The following AIG1 variants were observed in gnomAD, a reference collection of about 807,000 sequenced individuals.
AIG1 encodes the protein androgen induced 1.
In AIG1, 23 loss-of-function variants were observed where a neutral mutation model predicts 31.4. That is an observed-to-expected ratio of 0.73 (90% CI 0.53 to 1.04). The LOEUF (loss-of-function observed/expected upper bound fraction) is 1.04. AIG1 is among the 50% of genes least tolerant of loss of function. The probability of loss-of-function intolerance (pLI) is 0.00; values close to 1 mark genes in which losing one functional copy is unlikely to be tolerated. For missense variants in AIG1, 274 were observed against 295.0 expected (o/e 0.93, Z 0.52); for synonymous variants, 100 against 110.5 (o/e 0.90, Z 0.60).
intron 3 of AIG1, among the ~76,000 whole-genome samples, chr6:143,176,254 G>C (rs1021579514): frequency 6.6e-6 from 1 of 152,146 alleles, no homozygotes; most frequent in African/African-American, 2.4e-5. Context: ...CTGTATTTTT[G>C]TGCACTGGTT....
intron 3 of AIG1, among the ~76,000 whole-genome samples, chr6:143,273,407 A>G (rs955808109): frequency 2.0e-5 from 3 of 152,150 alleles, no homozygotes; most frequent in Admixed American, 6.5e-5. Flanking sequence ...AAATACTTCA[A>G]TGCTTTAAAT....
intron 2 of AIG1, among the ~76,000 whole-genome samples, chr6:143,156,186 T>C (rs1771910031): frequency 6.6e-6 from 1 of 152,158 alleles, no homozygotes; most frequent in Non-Finnish European, 1.5e-5. Flanking sequence ...CTCTTGTAGG[T>C]ATATAAAAAC....
At chr6:143,066,251 A>G (rs1776693834) in intron 1 of AIG1, among the ~76,000 whole-genome samples, 1 of 152,052 alleles carries the variant, frequency 6.6e-6, no homozygotes, top group African/African-American at 2.4e-5. Context: ...CCTGTAGAGC[A>G]GTCTTAATAT....
intron 2 of AIG1, among the ~76,000 whole-genome samples, chr6:143,164,342 C>G (rs1299612364): frequency 3.9e-5 from 6 of 152,118 alleles, no homozygotes; most frequent in Non-Finnish European, 7.4e-5. Context: ...ATCTGAACTT[C>G]TTTTCTCACT....
downstream of AIG1, chr6:143,342,879 A>C: frequency 1.2e-6 from 1 of 861,976 alleles, no homozygotes; most frequent in East Asian, 2.4e-5. Context: ...TGTTGCTGTC[A>C]ACATTCAATC....
At chr6:143,225,281 T>C (rs1218352726) in intron 3 of AIG1, among the ~76,000 whole-genome samples, 1 of 152,200 alleles carries the variant, frequency 6.6e-6, no homozygotes, top group Non-Finnish European at 1.5e-5. Flanking sequence ...CTCTCTTTTT[T>C]ATATTGTAGT....
At chr6:143,186,048 C>A (rs1370208591) in intron 3 of AIG1, among the ~76,000 whole-genome samples, 1 of 152,124 alleles carries the variant, frequency 6.6e-6, no homozygotes, top group Non-Finnish European at 1.5e-5. Flanking sequence ...ATCTGATGGC[C>A]TCCAAGTGCC....
chr6:143,204,081 T>G (rs551055267), intron 3 of AIG1, among the ~76,000 whole-genome samples: 108 of 152,282 alleles, frequency 7.1e-4, no homozygotes, highest in African/African-American at 2.6e-3. Context: ...GGAATTAGTT[T>G]AAAAATGCAA....
rs76665310 is a variant in AIG1, at chr6:143,328,587, C to G, written c.516-4695C>G. The stretch of plus-strand genomic sequence containing the variant: ...TGTACTCCATGAGGACAGGAGTTAG[C>G]TCTGCCTCATTTACTTTTTTTCATC... On this transcript the variant is annotated intron_variant, in intron 4 of 5. Transcript: ENST00000357847. The surrounding 1 kb of genome is among the most constrained non-coding windows in gnomAD (Gnocchi z 4.0). 0.028 allele frequency among the ~76,000 whole-genome samples: 4,258 copies of G among 152,224 alleles called. 201 individuals carry two copies. The highest frequency in any genetic ancestry group is 0.097 in the African/African-American group (4,019 of 41,526).
At chr6:143,088,786 G>A (rs1779034105) in intron 1 of AIG1, among the ~76,000 whole-genome samples, 1 of 152,198 alleles carries the variant, frequency 6.6e-6, no homozygotes, top group African/African-American at 2.4e-5. Flanking sequence ...ACATGGGATT[G>A]AAATCTCCTT....
At chr6:143,207,053 G>C (rs1791163296) in intron 3 of AIG1, among the ~76,000 whole-genome samples, 1 of 152,104 alleles carries the variant, frequency 6.6e-6, no homozygotes, top group Admixed American at 6.6e-5. Context: ...TTAAGGTGCT[G>C]TCCCTGTATC....
intron 3 of AIG1, among the ~76,000 whole-genome samples, chr6:143,230,996 A>G (rs540308512): frequency 6.6e-6 from 1 of 152,354 alleles, no homozygotes; most frequent in South Asian, 2.1e-4. Flanking sequence ...TGACCTTGGG[A>G]AAGTCAGTTA....
chr6:143,154,087 T>C (rs557147436), intron 2 of AIG1, among the ~76,000 whole-genome samples: 1 of 151,976 alleles, frequency 6.6e-6, no homozygotes, highest in Non-Finnish European at 1.5e-5. Flanking sequence ...CTGTCTCTAC[T>C]CCCCTCGCAA....
At chr6:143,095,267 A>G (rs1779649434) in intron 1 of AIG1, among the ~76,000 whole-genome samples, 1 of 152,184 alleles carries the variant, frequency 6.6e-6, no homozygotes, top group East Asian at 1.9e-4. Context: ...AACTATAGTA[A>G]TTAGAAAAAA....
intron 4 of AIG1, among the ~76,000 whole-genome samples, chr6:143,314,003 T>C (rs966947411): frequency 1.3e-5 from 2 of 151,742 alleles, no homozygotes; most frequent in Non-Finnish European, 2.9e-5. Flanking sequence ...ATCCTACTTA[T>C]TGCAATAAGA....
chr6:143,238,219 G>A (rs1411969659), intron 3 of AIG1, among the ~76,000 whole-genome samples: 1 of 152,176 alleles, frequency 6.6e-6, no homozygotes. Context: ...GGGATTACAG[G>A]CGTGAGCCAC....
At chr6:143,235,314 G>C (rs1372947677) in intron 3 of AIG1, among the ~76,000 whole-genome samples, 6 of 151,882 alleles carry the variant, frequency 4.0e-5, no homozygotes, top group Non-Finnish European at 8.8e-5. Flanking sequence ...CATCATTGCT[G>C]GTCTCTGTGA....
At chr6:143,121,894 A>G (rs1021819304) in intron 1 of AIG1, among the ~76,000 whole-genome samples, 1 of 152,328 alleles carries the variant, frequency 6.6e-6, no homozygotes, top group Middle Eastern at 3.4e-3. Context: ...AGTTAGTATA[A>G]ATTTAGTAAG....
chr6:143,151,503 A>G (rs1235552476), intron 2 of AIG1, among the ~76,000 whole-genome samples: 2 of 151,940 alleles, frequency 1.3e-5, no homozygotes, highest in Non-Finnish European at 2.9e-5. Context: ...AACAAAACAC[A>G]GAAAGCCATA....
Sources: gnomAD v4.1 joint callset for allele counts (sites outside exome capture counted in the v4.1 genomes callset) on GRCh38, gnomAD v4.1.1 for gene constraint, Gnocchi (gnomAD v3.1) non-coding constraint, MANE v1.5 for transcripts, NCBI Gene and HGNC (gene_info 2026-07-23, HGNC 2026-07-21) for gene names.